The following ZBTB7C variants were observed in gnomAD, a reference collection of about 807,000 sequenced individuals.
The protein encoded by ZBTB7C is zinc finger and BTB domain-containing protein 7C.
In ZBTB7C, 8 loss-of-function variants were observed where a neutral mutation model predicts 25.7. The ratio of observed to expected loss-of-function variants is 0.31; its 90% CI spans 0.18 to 0.56. ZBTB7C has a LOEUF of 0.56. ZBTB7C is among the 20% of genes least tolerant of loss of function. The pLI is 0.91. For synonymous variants in ZBTB7C, 394 were observed against 369.0 expected (o/e 1.07, Z -0.78); for missense variants, 824 against 855.2 (o/e 0.96, Z 0.46).
intron 2 of ZBTB7C, among the ~76,000 whole-genome samples, chr18:48,214,615 T>G (rs2042780793): frequency 6.6e-6 from 1 of 152,222 alleles, no homozygotes; most frequent in African/African-American, 2.4e-5. Flanking sequence ...CTCCCACCAC[T>G]GCCATGACAG....
chr18:48,333,525 C>T (rs574475844), intron 2 of ZBTB7C, among the ~76,000 whole-genome samples: 1 of 152,300 alleles, frequency 6.6e-6, no homozygotes, highest in African/African-American at 2.4e-5. Flanking sequence ...TGCACTGGGT[C>T]ACATAGCAAA....
chr18:48,216,049 G>A (rs1309336049), intron 2 of ZBTB7C, among the ~76,000 whole-genome samples: 1 of 152,146 alleles, frequency 6.6e-6, no homozygotes, highest in Non-Finnish European at 1.5e-5. Context: ...AGTATAATAA[G>A]GCGTGTCCAA....
intron 1 of ZBTB7C, among the ~76,000 whole-genome samples, chr18:48,338,916 G>C (rs538455493): frequency 6.2e-4 from 95 of 152,032 alleles, no homozygotes; most frequent in Non-Finnish European, 1.1e-3. Flanking sequence ...TTTGTTGGGG[G>C]GGGGGGGTCC....
rs748088985 is a variant in ZBTB7C, at chr18:48,041,641, A to AT, written c.-16-519dup. The AT allele has an allele frequency of 5.4e-4, 373 of 692,978 alleles. 2 individuals carry two copies. Among genetic ancestry groups the AT allele is most frequent in the Non-Finnish European group, 6.4e-4 (361 of 563,552 alleles). The allele number at this position is 692,978 out of a possible 1,614,324, so 42.9% of individuals were successfully genotyped here. On this transcript the variant is annotated intron_variant, in intron 3 of 4. Coordinates refer to ENST00000590800, the MANE Select transcript of ZBTB7C (RefSeq NM_001318841.2). ...AAGCTTAAAACAAATTTCGTGGCCCATTTTCAGCAAGTAAATGGGGGCCTT... is the reference window on the plus strand; with the variant it reads ...AAGCTTAAAACAAATTTCGTGGCCCATTTTTCAGCAAGTAAATGGGGGCCTT...
chr18:48,204,302 G>A (rs2042528225), intron 2 of ZBTB7C, among the ~76,000 whole-genome samples: 1 of 152,124 alleles, frequency 6.6e-6, no homozygotes, highest in Non-Finnish European at 1.5e-5. Flanking sequence ...AGCCTCCCTT[G>A]TGAACCTACC....
intron 3 of ZBTB7C, among the ~76,000 whole-genome samples, chr18:48,096,214 A>C (rs1208116756): frequency 6.6e-6 from 1 of 152,224 alleles, no homozygotes; most frequent in Non-Finnish European, 1.5e-5. Flanking sequence ...TTAGAAAACC[A>C]AAAAATAGGC....
At chr18:48,035,807 G>C (rs951200912) in intron 4 of ZBTB7C, among the ~76,000 whole-genome samples, 1 of 152,204 alleles carries the variant, frequency 6.6e-6, no homozygotes, top group Non-Finnish European at 1.5e-5. Context: ...CTGGCTTCCA[G>C]ACTTTCTGGG....
intron 3 of ZBTB7C, among the ~76,000 whole-genome samples, chr18:48,109,942 G>T (rs915811037): frequency 6.6e-6 from 1 of 152,126 alleles, no homozygotes; most frequent in Non-Finnish European, 1.5e-5. Context: ...TTTCCTGGAC[G>T]TTCCATGGGC....
intron 3 of ZBTB7C, among the ~76,000 whole-genome samples, chr18:48,175,988 C>A (rs1421461444): frequency 6.6e-6 from 1 of 152,130 alleles, no homozygotes; most frequent in African/African-American, 2.4e-5. Context: ...TCAATGGGTG[C>A]TACATCTAGG....
chr18:48,379,679 A>G (rs2047594200), intron 1 of ZBTB7C, among the ~76,000 whole-genome samples: 1 of 152,202 alleles, frequency 6.6e-6, no homozygotes. Flanking sequence ...AAGAGAATAA[A>G]AAGACAAGGC....
At chr18:48,220,656 A>T (rs2042928275) in intron 2 of ZBTB7C, among the ~76,000 whole-genome samples, 1 of 152,168 alleles carries the variant, frequency 6.6e-6, no homozygotes, top group East Asian at 1.9e-4. Context: ...CAACCCTGTG[A>T]GAAATCAATA....
chr18:48,093,753 T>A (rs1251403608), intron 3 of ZBTB7C, among the ~76,000 whole-genome samples: 1 of 152,166 alleles, frequency 6.6e-6, no homozygotes, highest in African/African-American at 2.4e-5. Flanking sequence ...TTTTAAAATT[T>A]TTAAAAGATT....
At chr18:48,321,226 T>A (rs1598866062) in intron 2 of ZBTB7C, among the ~76,000 whole-genome samples, 2 of 152,128 alleles carry the variant, frequency 1.3e-5, no homozygotes, top group South Asian at 4.1e-4. Context: ...CCTGTCCCTC[T>A]CCCTTGTGGG....
At chr18:48,206,863 T>C (rs552353507) in intron 2 of ZBTB7C, among the ~76,000 whole-genome samples, 1 of 152,084 alleles carries the variant, frequency 6.6e-6, no homozygotes, top group Non-Finnish European at 1.5e-5. Context: ...GATTGATAAA[T>C]GGAAATTTGT....
chr18:48,202,347 G>A (rs2042471248), intron 2 of ZBTB7C, among the ~76,000 whole-genome samples: 1 of 152,096 alleles, frequency 6.6e-6, no homozygotes, highest in Non-Finnish European at 1.5e-5. Context: ...GGTCGCGAGG[G>A]ATTAGAGATG....
At chr18:48,306,333 G>T (rs904918376) in intron 2 of ZBTB7C, among the ~76,000 whole-genome samples, 1 of 152,124 alleles carries the variant, frequency 6.6e-6, no homozygotes, top group Non-Finnish European at 1.5e-5. Flanking sequence ...TGGAAGAAGG[G>T]ACCCAATTCT....
intron 3 of ZBTB7C, among the ~76,000 whole-genome samples, chr18:48,042,320 T>A (rs750668253): frequency 8.8e-4 from 134 of 151,780 alleles, no homozygotes; most frequent in Non-Finnish European, 1.6e-3. Context: ...TAAAATAAGG[T>A]GGGTTGGACA....
At chr18:48,259,040 C>T (rs902500433) in intron 2 of ZBTB7C, among the ~76,000 whole-genome samples, 19 of 152,084 alleles carry the variant, frequency 1.2e-4, no homozygotes, top group South Asian at 8.3e-4. Context: ...ACCTCCACCT[C>T]CCAGGTTTAA....
chr18:48,251,921 A>C (rs755329414), intron 2 of ZBTB7C, among the ~76,000 whole-genome samples: 2 of 151,996 alleles, frequency 1.3e-5, no homozygotes, highest in Non-Finnish European at 2.9e-5. Context: ...TTGCCTATTA[A>C]ACCTCTGCTC....
Sources: gnomAD v4.1 joint callset for allele counts (sites outside exome capture counted in the v4.1 genomes callset) on GRCh38, gnomAD v4.1.1 for gene constraint, MANE v1.5 for transcripts, NCBI Gene and HGNC (gene_info 2026-07-23, HGNC 2026-07-21) for gene names.